The following TTBK2 variants were observed in gnomAD, a reference collection of about 807,000 sequenced individuals.
TTBK2 encodes tau tubulin kinase 2.
In TTBK2, 28 loss-of-function variants were observed where a neutral mutation model predicts 110.8. That is an observed-to-expected ratio of 0.25 (90% confidence interval 0.19 to 0.35). The LOEUF (loss-of-function observed/expected upper bound fraction) is 0.35, where lower values mean the gene tolerates loss of function less well. Among genes scored for constraint, TTBK2 ranks in the 10% least tolerant of loss-of-function variants. The pLI, the probability that TTBK2 is intolerant of heterozygous loss-of-function variation, is 1.00. For missense variants in TTBK2, 1,369 were observed against 1,500.3 expected (o/e 0.91, Z 1.45); for synonymous variants, 532 against 527.3 (o/e 1.01, Z -0.12).
At chr15:42,884,815 C>T (rs1280292043) in intron 1 of TTBK2, among the ~76,000 whole-genome samples, 2 of 152,234 alleles carry the variant, frequency 1.3e-5, no homozygotes, top group Admixed American at 6.5e-5. Context: ...TGCACGTATA[C>T]ATCCAGATGG....
At chr15:42,909,161 A>G (rs187281812) in intron 1 of TTBK2, among the ~76,000 whole-genome samples, 2 of 152,244 alleles carry the variant, frequency 1.3e-5, no homozygotes, top group East Asian at 3.9e-4. Context: ...GGGTCTCACT[A>G]TGTTCTCCAG....
At chr15:42,801,549 G>A (rs1891203854) in intron 9 of TTBK2, 1 of 767,398 alleles carries the variant, frequency 1.3e-6, no homozygotes, top group East Asian at 2.5e-5. Context: ...AGCGTCTGCA[G>A]CTCCTTATAC....
chr15:42,815,639 A>C (rs1891906822), intron 7 of TTBK2, among the ~76,000 whole-genome samples: 1 of 151,562 alleles, frequency 6.6e-6, no homozygotes, highest in Non-Finnish European at 1.5e-5. Flanking sequence ...TTAACCCAAG[A>C]GGAAAGGGAT....
At chr15:42,882,846 T>C (rs544396798) in intron 1 of TTBK2, among the ~76,000 whole-genome samples, 5 of 152,224 alleles carry the variant, frequency 3.3e-5, no homozygotes, top group South Asian at 2.1e-4. Context: ...ATTAAGACTA[T>C]GTGTTGTCAG....
intron 9 of TTBK2, among the ~76,000 whole-genome samples, chr15:42,796,703 A>G (rs986371338): frequency 6.6e-6 from 1 of 152,202 alleles, no homozygotes; most frequent in Non-Finnish European, 1.5e-5. Flanking sequence ...AACCCAGACT[A>G]TATGCTCCAA....
chr15:42,817,860 C>T (rs1470598446), intron 6 of TTBK2, among the ~76,000 whole-genome samples: 2 of 152,126 alleles, frequency 1.3e-5, no homozygotes, highest in African/African-American at 4.8e-5. Context: ...TCCCTGAATC[C>T]CTCCAATGGC....
At chr15:42,765,384 A>T (rs1272703038) in intron 13 of TTBK2, among the ~76,000 whole-genome samples, 1 of 152,206 alleles carries the variant, frequency 6.6e-6, no homozygotes, top group Non-Finnish European at 1.5e-5. Flanking sequence ...AGATTAGACG[A>T]ATGGCTAACT....
intron 11 of TTBK2, 126 bp from the exon 12 acceptor site, chr15:42,777,368 T>A: frequency 7.7e-6 from 8 of 1,040,150 alleles, no homozygotes; most frequent in Non-Finnish European, 1.1e-5. Context: ...TAGGATATTT[T>A]GGCTAGTTTA....
intron 5 of TTBK2, among the ~76,000 whole-genome samples, chr15:42,829,242 T>C (rs1186585309): frequency 6.6e-6 from 1 of 152,198 alleles, no homozygotes; most frequent in Non-Finnish European, 1.5e-5. Flanking sequence ...CAAAAAAGCC[T>C]ATTTCACACT....
chr15:42,806,030 A>G (rs2140911143), intron 9 of TTBK2, among the ~76,000 whole-genome samples: 1 of 152,248 alleles, frequency 6.6e-6, no homozygotes, highest in Non-Finnish European at 1.5e-5. Flanking sequence ...TTGGGAGGCC[A>G]AGGTGGGTGG....
intron 2 of TTBK2, among the ~76,000 whole-genome samples, chr15:42,874,051 A>G (rs1457059000): frequency 6.6e-6 from 1 of 152,198 alleles, no homozygotes; most frequent in African/African-American, 2.4e-5. Context: ...CTCAGATAGC[A>G]CTTGTATTAT....
intron 13 of TTBK2, among the ~76,000 whole-genome samples, chr15:42,763,185 TA>T: frequency 1.1e-4 from 3 of 27,142 alleles, no homozygotes; most frequent in Admixed American, 5.2e-4. Flanking sequence ...TATATATATA[TA>T]TATATATTTT....
At chr15:42,867,029 G>A (rs1894398722) in intron 3 of TTBK2, among the ~76,000 whole-genome samples, 1 of 152,078 alleles carries the variant, frequency 6.6e-6, no homozygotes, top group Non-Finnish European at 1.5e-5. Flanking sequence ...CGGATCACGA[G>A]GTCAGGAGAT....
rs567365179 is a variant in TTBK2, at chr15:42,825,275, A to G, written c.537+2653T>C. On this transcript the variant is annotated intron_variant, in intron 6 of 14. Coordinates refer to ENST00000267890, the MANE Select transcript of TTBK2 (RefSeq NM_173500.4). Reference sequence around the variant, plus strand: ...TCTGCATCTGCTCCCTAACTCCAAAACAAGTACCCTCAAGATCTGCAGAAG... The same window carrying G: ...TCTGCATCTGCTCCCTAACTCCAAAGCAAGTACCCTCAAGATCTGCAGAAG... Among the ~76,000 whole-genome samples, 5 of 152,330 alleles carry G rather than the reference A, an allele frequency of 3.3e-5. No homozygotes were observed. In the South Asian group the frequency reaches 1.0e-3, roughly 32 times the overall value.
chr15:42,840,100 A>G (rs1567053750), intron 4 of TTBK2, among the ~76,000 whole-genome samples: 1 of 152,208 alleles, frequency 6.6e-6, no homozygotes, highest in African/African-American at 2.4e-5. Context: ...TTCACATTAT[A>G]TCCCCTCATC....
At chr15:42,862,966 A>C (rs1894219483) in intron 3 of TTBK2, among the ~76,000 whole-genome samples, 1 of 152,216 alleles carries the variant, frequency 6.6e-6, no homozygotes, top group African/African-American at 2.4e-5. Context: ...ATCATACTGA[A>C]TGGGTAAAAG....
intron 9 of TTBK2, among the ~76,000 whole-genome samples, chr15:42,806,910 G>A (rs1891493069): frequency 6.6e-6 from 1 of 151,990 alleles, no homozygotes. Flanking sequence ...GTGGCCCAGG[G>A]AAGCCAAAAG....
At position 42,745,554 on chromosome 15, in the gene TTBK2, C is replaced by G. The variant is rs1262379552; in HGVS notation, c.*241G>C. ...GAGAGCTCATTTTAATGAGTTTCTCCCCCTTGGATTTTTGCTCTATTTTTC... is the reference window on the plus strand; with the variant it reads ...GAGAGCTCATTTTAATGAGTTTCTCGCCCTTGGATTTTTGCTCTATTTTTC... On this transcript the variant is annotated 3_prime_UTR_variant, in exon 15 of 15. Transcript: ENST00000267890. 1 of 546,476 alleles carries G rather than the reference C, an allele frequency of 1.8e-6. No homozygotes were observed. Among genetic ancestry groups the G allele is most frequent in the African/African-American group, 1.9e-5 (1 of 52,838 alleles). The allele number at this position is 546,476 out of a possible 1,614,324, so 33.9% of individuals were successfully genotyped here.
At chr15:42,825,830 A>C (rs1892509897) in intron 6 of TTBK2, among the ~76,000 whole-genome samples, 1 of 152,216 alleles carries the variant, frequency 6.6e-6, no homozygotes, top group East Asian at 1.9e-4. Context: ...ACAGATACAG[A>C]ACATTGCTAT....
Sources: gnomAD v4.1 joint callset for allele counts (sites outside exome capture counted in the v4.1 genomes callset) on GRCh38, gnomAD v4.1.1 for gene constraint, MANE v1.5 for transcripts, NCBI Gene and HGNC (gene_info 2026-07-23, HGNC 2026-07-21) for gene names.